Variants in PDE4B observed in about 807,000 individuals in gnomAD.
The protein encoded by PDE4B is phosphodiesterase 4B, also known as 3',5'-cyclic-AMP phosphodiesterase 4B.
In PDE4B, 20 loss-of-function variants were observed where a neutral mutation model predicts 82.2. The observed-to-expected ratio is 0.24, with a 90% CI of 0.17 to 0.35. The LOEUF is 0.35. Among genes scored for constraint, PDE4B ranks in the 10% least tolerant of loss-of-function variants. The probability of loss-of-function intolerance (pLI) is 1.00; values close to 1 mark genes in which losing one functional copy is unlikely to be tolerated. For synonymous variants in PDE4B, 320 were observed against 318.9 expected (o/e 1.00, Z -0.04); for missense variants, 655 against 907.2 (o/e 0.72, Z 3.57).
chr1:66,276,700 C>T (rs766531935), intron 7 of PDE4B, among the ~76,000 whole-genome samples: 1 of 152,150 alleles, frequency 6.6e-6, no homozygotes, highest in Non-Finnish European at 1.5e-5. Flanking sequence ...ACTGTGTTAG[C>T]CACTGAGGAT....
At chr1:66,158,403 T>G (rs1466451085) in intron 3 of PDE4B, among the ~76,000 whole-genome samples, 1 of 152,136 alleles carries the variant, frequency 6.6e-6, no homozygotes, top group Non-Finnish European at 1.5e-5. Flanking sequence ...GTGACAGGTA[T>G]GTCAAAAAAA....
At chr1:65,978,099 C>T (rs1429213575) in intron 3 of PDE4B, among the ~76,000 whole-genome samples, 2 of 144,782 alleles carry the variant, frequency 1.4e-5, no homozygotes, top group South Asian at 2.2e-4. Context: ...GCGGTCTCAG[C>T]TCACTGCAAC....
intron 3 of PDE4B, among the ~76,000 whole-genome samples, chr1:66,011,351 T>C (rs1469340541): frequency 6.6e-6 from 1 of 152,072 alleles, no homozygotes; most frequent in Non-Finnish European, 1.5e-5. Flanking sequence ...TTATGTTTCT[T>C]TGAGTTGCTT....
intron 1 of PDE4B, among the ~76,000 whole-genome samples, chr1:65,908,794 C>T (rs888235343): frequency 6.6e-6 from 1 of 152,080 alleles, no homozygotes; most frequent in African/African-American, 2.4e-5. Flanking sequence ...CATCTCAACA[C>T]CTTCCTTAGA....
At chr1:65,992,823 A>T in intron 3 of PDE4B, 1 of 1,510,692 alleles carries the variant, frequency 6.6e-7, no homozygotes, top group Non-Finnish European at 8.8e-7. Context: ...TTGCAGACTT[A>T]TCAGTCTTCT....
chr1:66,162,305 CTTTTT>C (rs1168144080), intron 3 of PDE4B, among the ~76,000 whole-genome samples: 6 of 40,286 alleles, frequency 1.5e-4, no homozygotes, highest in East Asian at 8.8e-4. Context: ...ATGGACTTCT[CTTTTT>C]TTTTTTTTTT....
intron 7 of PDE4B, 67 bp from the exon 8 acceptor site, chr1:66,332,434 TGGTAGCG>T: frequency 6.2e-7 from 1 of 1,614,120 alleles, no homozygotes; most frequent in Non-Finnish European, 8.5e-7. Context: ...GAATCAGCGG[TGGTAGCG>T]GTGACTCTGC....
chr1:66,322,732 A>C (rs1027440981), intron 7 of PDE4B, among the ~76,000 whole-genome samples: 1 of 151,876 alleles, frequency 6.6e-6, no homozygotes, highest in Non-Finnish European at 1.5e-5. Context: ...GTTTCAACAC[A>C]GGAATTTTGG....
chr1:65,871,077 G>A (rs961940292), intron 1 of PDE4B, among the ~76,000 whole-genome samples: 3 of 152,108 alleles, frequency 2.0e-5, no homozygotes, highest in Non-Finnish European at 4.4e-5. Flanking sequence ...ATGATGACAG[G>A]GACCTAGTTA....
At chr1:65,876,245 T>G (rs865908815) in intron 1 of PDE4B, among the ~76,000 whole-genome samples, 1 of 152,142 alleles carries the variant, frequency 6.6e-6, no homozygotes, top group Non-Finnish European at 1.5e-5. Flanking sequence ...TGCTTTTTAT[T>G]ATAAACATTT....
At chr1:65,999,427 A>G (rs1336413970) in intron 3 of PDE4B, among the ~76,000 whole-genome samples, 1 of 152,090 alleles carries the variant, frequency 6.6e-6, no homozygotes, top group Non-Finnish European at 1.5e-5. Flanking sequence ...TCTGTTGTTC[A>G]GCAAACTAAG....
rs546561671 is a variant in PDE4B at position 66,094,184 on chromosome 1, G to A, written c.282-153276G>A. On this transcript the variant is annotated intron_variant, in intron 3 of 16. Coordinates refer to ENST00000341517, the MANE Select transcript of PDE4B (RefSeq NM_002600.4). ...AAGAAGCTAAGGAGTGATAAATGGA[G>A]GAAGACAATTCAAGGCAGAGTGAGG... Among the ~76,000 whole-genome samples, 62 of 152,142 alleles carry A rather than the reference G, an allele frequency of 4.1e-4. 1 individual carries two copies. Among genetic ancestry groups the A allele is most frequent in the South Asian group, 2.5e-3 (12 of 4,832 alleles).
In PDE4B at chr1:65,858,510, T is replaced by G. The variant is rs570880691; in HGVS notation, c.-70-54735T>G. On this transcript the variant is annotated intron_variant, in intron 1 of 16. Coordinates refer to ENST00000341517, the MANE Select transcript of PDE4B (RefSeq NM_002600.4). ...TTAAAACATAGCTTGATGACAAGTT[T>G]ACATCTACTTGGAAATATTTCATCA... is the stretch of plus-strand genomic sequence containing the variant. 2.3e-4 allele frequency among the ~76,000 whole-genome samples: 35 copies of G among 152,358 alleles called. 1 individual carries two copies. Among genetic ancestry groups the G allele is most frequent in the Middle Eastern group, 3.4e-3 (1 of 294 alleles).
At chr1:66,037,728 A>G (rs891859571) in intron 3 of PDE4B, among the ~76,000 whole-genome samples, 15 of 152,162 alleles carry the variant, frequency 9.9e-5, no homozygotes, top group African/African-American at 2.2e-4. Flanking sequence ...GCTTTTTACC[A>G]TTAAATATGA....
At chr1:65,793,980 A>G (rs962963508) in intron 1 of PDE4B, among the ~76,000 whole-genome samples, 3 of 152,174 alleles carry the variant, frequency 2.0e-5, no homozygotes, top group African/African-American at 4.8e-5. Flanking sequence ...ACTATGGCCA[A>G]CAGCTTTAAA....
chr1:66,029,750 A>C (rs1653658819), intron 3 of PDE4B, among the ~76,000 whole-genome samples: 2 of 152,206 alleles, frequency 1.3e-5, no homozygotes, highest in South Asian at 4.1e-4. Flanking sequence ...TCATCTTCCT[A>C]CATCTAGACA....
chr1:65,936,294 A>AGG (rs1322333907), intron 3 of PDE4B, among the ~76,000 whole-genome samples: 1 of 152,092 alleles, frequency 6.6e-6, no homozygotes, highest in Non-Finnish European at 1.5e-5. Flanking sequence ...AATATACATA[A>AGG]GGGTATATTA....
chr1:65,895,045 CA>C (rs1646893978), intron 1 of PDE4B, among the ~76,000 whole-genome samples: 1 of 152,050 alleles, frequency 6.6e-6, no homozygotes, highest in Non-Finnish European at 1.5e-5. Context: ...TTACCCAAGA[CA>C]AATTAAAACA....
intron 7 of PDE4B, among the ~76,000 whole-genome samples, chr1:66,283,994 TG>T (rs1656487176): frequency 6.6e-6 from 1 of 152,202 alleles, no homozygotes; most frequent in African/African-American, 2.4e-5. Flanking sequence ...GCATTATGCC[TG>T]GGTAATGCTG....
Sources: allele counts gnomAD v4.1 joint callset (sites outside exome capture counted in the v4.1 genomes callset), GRCh38; gene constraint gnomAD v4.1.1; transcripts MANE v1.5; gene names NCBI Gene and HGNC (gene_info 2026-07-23, HGNC 2026-07-21).